THSD4: variants seen among roughly 807,000 people sequenced by gnomAD.
The protein encoded by THSD4 is thrombospondin type 1 domain containing 4.
THSD4 carries 69 observed loss-of-function variants against 119.0 expected under a neutral mutation model. The observed-to-expected ratio is 0.58, with a 90% CI of 0.48 to 0.71. The LOEUF is 0.71. Among genes scored for constraint, THSD4 ranks in the 30% least tolerant of loss-of-function variants. The pLI, the probability that THSD4 is intolerant of heterozygous loss-of-function variation, is 0.00. For synonymous variants in THSD4, 524 were observed against 540.4 expected (o/e 0.97, Z 0.42); for missense variants, 1,393 against 1,391.1 (o/e 1.00, Z -0.02).
chr15:71,258,013 A>G (rs2044340379), intron 6 of THSD4, among the ~76,000 whole-genome samples: 1 of 152,050 alleles, frequency 6.6e-6, no homozygotes. Flanking sequence ...GACCTTTTTC[A>G]TTTTTAAGGG....
intron 7 of THSD4, among the ~76,000 whole-genome samples, chr15:71,554,878 A>G (rs1567034395): frequency 6.6e-6 from 1 of 152,206 alleles, no homozygotes; most frequent in Non-Finnish European, 1.5e-5. Flanking sequence ...TATGTAATAT[A>G]TAAGCAATTA....
At chr15:71,367,740 A>G (rs1419392831) in intron 6 of THSD4, among the ~76,000 whole-genome samples, 1 of 152,214 alleles carries the variant, frequency 6.6e-6, no homozygotes, top group Non-Finnish European at 1.5e-5. Context: ...GCTGCAATAA[A>G]CATATGTGGG....
intron 10 of THSD4, among the ~76,000 whole-genome samples, chr15:71,734,821 C>G (rs2053050403): frequency 6.7e-6 from 1 of 149,632 alleles, no homozygotes; most frequent in Admixed American, 6.7e-5. Flanking sequence ...AAAAAAAAAG[C>G]CTATTAAAAA....
chr15:71,734,220 C>G (rs549461537), intron 10 of THSD4, among the ~76,000 whole-genome samples: 5 of 152,194 alleles, frequency 3.3e-5, no homozygotes, highest in Middle Eastern at 3.4e-3. Flanking sequence ...TATATACAGT[C>G]AAAAGCAACT....
At chr15:71,224,254 G>A (rs2043996731) in intron 4 of THSD4, among the ~76,000 whole-genome samples, 1 of 152,178 alleles carries the variant, frequency 6.6e-6, no homozygotes, top group African/African-American at 2.4e-5. Context: ...GTGTCCAGGC[G>A]AGACTGGGGA....
intron 7 of THSD4, among the ~76,000 whole-genome samples, chr15:71,515,747 T>A (rs576582690): frequency 6.6e-6 from 1 of 152,300 alleles, no homozygotes; most frequent in African/African-American, 2.4e-5. Flanking sequence ...AGTAATAAAT[T>A]GTGTCTTGGC....
chr15:71,559,938 A>G (rs2049087064), intron 7 of THSD4, among the ~76,000 whole-genome samples: 1 of 152,198 alleles, frequency 6.6e-6, no homozygotes, highest in Admixed American at 6.5e-5. Context: ...AGAAAGTCAC[A>G]TATTTAATAA....
At chr15:71,180,298 C>T (rs1479835749) in intron 3 of THSD4, among the ~76,000 whole-genome samples, 1 of 151,850 alleles carries the variant, frequency 6.6e-6, no homozygotes, top group Non-Finnish European at 1.5e-5. Context: ...CAAAATTCAA[C>T]AACGAAGCAG....
intron 13 of THSD4, 81 bp downstream of exon 13, chr15:71,747,123 G>A: frequency 6.8e-7 from 1 of 1,476,972 alleles, no homozygotes; most frequent in Non-Finnish European, 9.1e-7. Flanking sequence ...CAAGACCTGA[G>A]ATGGGTAACC....
Position 71,783,157 on chromosome 15 carries a change from G to A in THSD4, c.*5783G>A, listed in dbSNP as rs2054022850. The A allele has an allele frequency of 6.6e-6, 1 of 152,176 alleles. No individual in the cohort carries two copies. Among genetic ancestry groups the A allele is most frequent in the Middle Eastern group, 3.2e-3 (1 of 316 alleles). 9.4% of individuals were successfully genotyped at this position (152,176 alleles called of 1,614,324 possible). On this transcript the variant is annotated 3_prime_UTR_variant, in exon 18 of 18. Coordinates refer to ENST00000261862, the MANE Select transcript of THSD4 (RefSeq NM_024817.3). The stretch of plus-strand genomic sequence containing the variant: ...AAATTATTACATAAGCAGGTGAAAG[G>A]TAGAAGGCGAATTATGTGAGTAAAT...
chr15:71,371,917 A>T (rs1331946383), intron 6 of THSD4, among the ~76,000 whole-genome samples: 1 of 152,236 alleles, frequency 6.6e-6, no homozygotes, highest in Admixed American at 6.5e-5. Context: ...CAGGTACACC[A>T]GTCAGATGTA....
At chr15:71,286,887 A>T (rs1011880284) in intron 6 of THSD4, among the ~76,000 whole-genome samples, 1 of 152,096 alleles carries the variant, frequency 6.6e-6, no homozygotes, top group Admixed American at 6.5e-5. Context: ...TTTGATTTAC[A>T]TTTCTCTAAT....
At chr15:71,604,459 G>T (rs192008085) in intron 7 of THSD4, among the ~76,000 whole-genome samples, 163 of 152,196 alleles carry the variant, frequency 1.1e-3, no homozygotes, top group African/African-American at 2.6e-3. Context: ...ACTTACTATG[G>T]CATTTTATTC....
At position 71,445,211 on chromosome 15, in the gene THSD4, C is replaced by T. The variant is rs147165854; in HGVS notation, c.1152+33388C>T. 7.9e-5 allele frequency among the ~76,000 whole-genome samples: 12 copies of T among 152,150 alleles called. No homozygotes were observed. The East Asian group carries it at 1.8e-3, about 22-fold the overall frequency. ...TCTTGGTCCCCAGAGAGGGTGGCTT[C>T]CTCTCCCTGTCGTGCCCCAAATAGA... On this transcript the variant is annotated intron_variant, in intron 7 of 17. Transcript: ENST00000261862.
intron 4 of THSD4, among the ~76,000 whole-genome samples, chr15:71,224,358 G>T (rs1212795945): frequency 6.6e-6 from 1 of 152,166 alleles, no homozygotes; most frequent in Non-Finnish European, 1.5e-5. Flanking sequence ...TATAAACATG[G>T]ATGGCCAACA....
intron 8 of THSD4, among the ~76,000 whole-genome samples, chr15:71,712,093 A>G (rs1686744437): frequency 6.6e-6 from 1 of 152,234 alleles, no homozygotes; most frequent in African/African-American, 2.4e-5. Context: ...AGTCACTAAA[A>G]TAAACTATAT....
At chr15:71,269,880 A>T (rs1024892288) in intron 6 of THSD4, among the ~76,000 whole-genome samples, 6 of 152,234 alleles carry the variant, frequency 3.9e-5, no homozygotes, top group Non-Finnish European at 5.9e-5. Context: ...ATACCTAGTA[A>T]TACAACTTAC....
chr15:71,453,105 C>T (rs888091461), intron 7 of THSD4, among the ~76,000 whole-genome samples: 7 of 152,210 alleles, frequency 4.6e-5, no homozygotes, highest in Non-Finnish European at 8.8e-5. Context: ...GAGCCCAACC[C>T]TTCTGGACCT....
intron 7 of THSD4, among the ~76,000 whole-genome samples, chr15:71,648,600 C>A (rs1183316665): frequency 1.3e-5 from 2 of 152,142 alleles, no homozygotes; most frequent in African/African-American, 4.8e-5. Context: ...TCACCATTGT[C>A]CCAGAGCATT....
Sources: gnomAD v4.1 joint callset for allele counts (sites outside exome capture counted in the v4.1 genomes callset) on GRCh38, gnomAD v4.1.1 for gene constraint, MANE v1.5 for transcripts, NCBI Gene and HGNC (gene_info 2026-07-23, HGNC 2026-07-21) for gene names.